ERG: variants seen among roughly 807,000 people sequenced by gnomAD.
ERG encodes the protein ETS transcription factor ERG, also known as transcriptional regulator ERG.
ERG carries 9 observed loss-of-function variants against 55.3 expected under a neutral mutation model. That is an observed-to-expected ratio of 0.16 (90% CI 0.10 to 0.28). The LOEUF (loss-of-function observed/expected upper bound fraction) is 0.28, where lower values mean the gene tolerates loss of function less well. Among genes scored for constraint, ERG ranks in the 10% least tolerant of loss-of-function variants. The pLI is 1.00. For synonymous variants in ERG, 223 were observed against 237.3 expected (o/e 0.94, Z 0.55); for missense variants, 434 against 631.6 (o/e 0.69, Z 3.35).
intron 2 of ERG, among the ~76,000 whole-genome samples, chr21:38,534,257 G>GA (rs2059693432): frequency 6.6e-6 from 1 of 151,908 alleles, no homozygotes; most frequent in Non-Finnish European, 1.5e-5. Context: ...TTACTGACAA[G>GA]AAAAAAACAA....
At chr21:38,652,208 G>A (rs1221971652) in intron 1 of ERG, among the ~76,000 whole-genome samples, 1 of 151,964 alleles carries the variant, frequency 6.6e-6, no homozygotes, top group Non-Finnish European at 1.5e-5. Context: ...ACACCAGCAG[G>A]CCTGACTCCT....
intron 9 of ERG, among the ~76,000 whole-genome samples, chr21:38,384,974 A>G (rs1387532852): frequency 2.0e-5 from 3 of 152,058 alleles, no homozygotes; most frequent in Non-Finnish European, 4.4e-5. Flanking sequence ...CAGAAGAAAA[A>G]CCCCAACAAT....
chr21:38,580,103 A>T (rs1361998034), intron 1 of ERG, among the ~76,000 whole-genome samples: 1 of 151,954 alleles, frequency 6.6e-6, no homozygotes, highest in South Asian at 2.1e-4. Flanking sequence ...TACAGGCGTG[A>T]GCCACCACGC....
At chr21:38,478,669 C>A (rs937964635) in intron 1 of ERG, among the ~76,000 whole-genome samples, 4 of 152,204 alleles carry the variant, frequency 2.6e-5, no homozygotes, top group African/African-American at 4.8e-5. Flanking sequence ...TATTTGGAAT[C>A]TGACCCATTT....
intron 1 of ERG, among the ~76,000 whole-genome samples, chr21:38,634,608 G>A (rs1021616889): frequency 1.3e-5 from 2 of 152,164 alleles, no homozygotes; most frequent in African/African-American, 2.4e-5. Context: ...GGTGACTTCA[G>A]GACAGAATGC....
At chr21:38,408,274 A>G (rs971230427) in intron 3 of ERG, among the ~76,000 whole-genome samples, 1 of 152,174 alleles carries the variant, frequency 6.6e-6, no homozygotes. Context: ...CCCAGCATGA[A>G]GCACACAGTC....
At chr21:38,654,978 A>G (rs1046010987) in intron 1 of ERG, among the ~76,000 whole-genome samples, 1 of 152,194 alleles carries the variant, frequency 6.6e-6, no homozygotes, top group African/African-American at 2.4e-5. Flanking sequence ...TCTTTTCAAA[A>G]TGTTTTTACC....
rs1172682117 is a variant in ERG at position 38,403,690 on chromosome 21, T to G, written c.408A>C (p.Thr136=). The change falls in exon 4 of 10, where the codon ACA becomes ACC. Residue 136 remains threonine, a synonymous_variant. Coordinates refer to ENST00000288319, the MANE Select transcript of ERG (RefSeq NM_182918.4). ...IVPADPTLWS[T]DHVRQWLEWA... is the part of the protein sequence containing the mutation. ...ACTCCAGCCACTGCCGCACATGGTC[T>G]GTACTCCATAGCGTAGGATCTGAAA... is the stretch of plus-strand genomic sequence containing the variant. 6.2e-7 allele frequency: 1 copy of G among 1,614,216 alleles called. No homozygotes were observed. Among genetic ancestry groups the G allele is most frequent in the East Asian group, 2.2e-5 (1 of 44,878 alleles).
At chr21:38,519,761 G>C (rs1275998529) in intron 2 of ERG, among the ~76,000 whole-genome samples, 1 of 152,146 alleles carries the variant, frequency 6.6e-6, no homozygotes, top group East Asian at 1.9e-4. Context: ...ATGTGCACCA[G>C]AAGTCACCTA....
chr21:38,644,150 A>T (rs2060442020), intron 1 of ERG, among the ~76,000 whole-genome samples: 1 of 152,252 alleles, frequency 6.6e-6, no homozygotes, highest in South Asian at 2.1e-4. Context: ...AGGTCAAGCC[A>T]GGAAGAGGAA....
At chr21:38,540,987 G>C (rs1193328614) in intron 2 of ERG, among the ~76,000 whole-genome samples, 2 of 152,150 alleles carry the variant, frequency 1.3e-5, no homozygotes, top group Non-Finnish European at 2.9e-5. Context: ...TTGAGCGCTT[G>C]GGTGGCTGGG....
intron 1 of ERG, among the ~76,000 whole-genome samples, chr21:38,603,537 A>G (rs2146914536): frequency 6.6e-6 from 1 of 152,156 alleles, no homozygotes; most frequent in African/African-American, 2.4e-5. Context: ...GGCTGCATGA[A>G]GGACTTCCAC....
intron 2 of ERG, among the ~76,000 whole-genome samples, chr21:38,424,119 G>C (rs1164928601): frequency 6.6e-6 from 1 of 151,592 alleles, no homozygotes. Flanking sequence ...AGTTTGATGA[G>C]GTCATGAGGG....
At chr21:38,556,821 C>G (rs2059861341) in intron 2 of ERG, among the ~76,000 whole-genome samples, 1 of 152,156 alleles carries the variant, frequency 6.6e-6, no homozygotes, top group Non-Finnish European at 1.5e-5. Flanking sequence ...GCACCCAGAC[C>G]CCCATACTGG....
intron 1 of ERG, among the ~76,000 whole-genome samples, chr21:38,459,905 A>G (rs2059025244): frequency 6.6e-6 from 1 of 152,228 alleles, no homozygotes; most frequent in East Asian, 1.9e-4. Context: ...TAATCAACCA[A>G]TAATTGATAG....
chr21:38,381,790 T>G lies in ERG; in HGVS notation c.*1613A>C, dbSNP rs563168788. On this transcript the variant is annotated 3_prime_UTR_variant, in exon 10 of 10. Transcript: ENST00000288319. ...AGGCATAAATATGGAGGCTCCAATG[T>G]GAAACCCGGGGTCCTTCTGTTCCAA... 1.9e-6 allele frequency: 2 copies of G among 1,063,514 alleles called. No homozygotes were observed. The highest frequency in any genetic ancestry group is 1.0e-4 in the East Asian group (2 of 19,828). 65.9% of individuals were successfully genotyped at this position (1,063,514 alleles called of 1,614,324 possible).
At chr21:38,599,043 C>T (rs1025425303) in intron 1 of ERG, among the ~76,000 whole-genome samples, 2 of 152,160 alleles carry the variant, frequency 1.3e-5, no homozygotes. Flanking sequence ...TCAAAAAAAC[C>T]ATTTAGGCTG....
chr21:38,607,600 C>CT (rs1421917700), intron 1 of ERG, among the ~76,000 whole-genome samples: 1 of 152,042 alleles, frequency 6.6e-6, no homozygotes, highest in African/African-American at 2.4e-5. Context: ...CGCTGCACCA[C>CT]TGCACTCCAG....
intron 2 of ERG, among the ~76,000 whole-genome samples, chr21:38,559,199 A>G (rs1488646547): frequency 6.6e-6 from 1 of 152,038 alleles, no homozygotes; most frequent in Non-Finnish European, 1.5e-5. Context: ...GATCCTCCCA[A>G]AGTACTTTTT....
Sources: allele counts gnomAD v4.1 joint callset (sites outside exome capture counted in the v4.1 genomes callset), GRCh38; gene constraint gnomAD v4.1.1; transcripts MANE v1.5; gene names NCBI Gene and HGNC (gene_info 2026-07-23, HGNC 2026-07-21).